RNF13: variants seen among roughly 807,000 people sequenced by gnomAD.
RNF13 encodes the protein ring finger protein 13, also known as E3 ubiquitin-protein ligase RNF13.
In RNF13, 19 loss-of-function variants were observed where a neutral mutation model predicts 37.7. The observed-to-expected ratio is 0.50, with a 90% CI of 0.35 to 0.74. RNF13 has a LOEUF of 0.74. Ranked by LOEUF, RNF13 falls within the 30% of genes least tolerant of loss-of-function variation. RNF13 has a pLI of 0.01. For missense variants in RNF13, 375 were observed against 453.0 expected (o/e 0.83, Z 1.56); for synonymous variants, 144 against 157.8 (o/e 0.91, Z 0.65).
chr3:149,935,860 ATATTTTCTTGTTGCATGTTAGT>A (rs1466977942), intron 8 of RNF13, among the ~76,000 whole-genome samples: 1 of 152,192 alleles, frequency 6.6e-6, no homozygotes, highest in African/African-American at 2.4e-5. Flanking sequence ...ATAACTTCAG[ATATTTTCTTGTTGCATGTTAGT>A]GTCCTTTTGT....
At chr3:149,919,016 T>C (rs1717842677) in intron 7 of RNF13, among the ~76,000 whole-genome samples, 1 of 152,202 alleles carries the variant, frequency 6.6e-6, no homozygotes, top group Non-Finnish European at 1.5e-5. Flanking sequence ...ATTTCTATTG[T>C]TTACTTTTTA....
At chr3:149,905,658 A>ATTATTATATTTAT (rs1716310290) in intron 6 of RNF13, among the ~76,000 whole-genome samples, 1 of 151,936 alleles carries the variant, frequency 6.6e-6, no homozygotes, top group African/African-American at 2.4e-5. Flanking sequence ...ACCCACATTT[A>ATTATTATATTTAT]TACTTGTATG....
At chr3:149,926,789 G>C (rs918108138) in intron 8 of RNF13, among the ~76,000 whole-genome samples, 2 of 151,898 alleles carry the variant, frequency 1.3e-5, no homozygotes, top group Non-Finnish European at 2.9e-5. Flanking sequence ...GATTTCTCTT[G>C]GTTTTATTGT....
chr3:149,824,183 T>C (rs1410530853), intron 1 of RNF13, among the ~76,000 whole-genome samples: 1 of 152,208 alleles, frequency 6.6e-6, no homozygotes, highest in Admixed American at 6.5e-5. Context: ...CACACTGATA[T>C]AAATAAGTAA....
intron 1 of RNF13, among the ~76,000 whole-genome samples, chr3:149,815,662 G>C (rs1719366633): frequency 6.6e-6 from 1 of 152,132 alleles, no homozygotes; most frequent in Non-Finnish European, 1.5e-5. Flanking sequence ...TATTTATTGA[G>C]CATATATAAA....
At chr3:149,873,771 A>G (rs768722030) in intron 4 of RNF13, among the ~76,000 whole-genome samples, 1 of 152,106 alleles carries the variant, frequency 6.6e-6, no homozygotes, top group Non-Finnish European at 1.5e-5. Context: ...TTCCAGCTCA[A>G]TGTGCCACCC....
At chr3:149,829,173 C>A (rs1485681940) in intron 1 of RNF13, among the ~76,000 whole-genome samples, 1 of 152,148 alleles carries the variant, frequency 6.6e-6, no homozygotes, top group Non-Finnish European at 1.5e-5. Context: ...TATCTTGGCT[C>A]ACTGCAACCT....
intron 1 of RNF13, among the ~76,000 whole-genome samples, chr3:149,831,335 T>C (rs1170572964): frequency 6.6e-6 from 1 of 152,208 alleles, no homozygotes; most frequent in African/African-American, 2.4e-5. Flanking sequence ...AGCTGTACCC[T>C]GCAAAGCTAC....
chr3:149,919,763 G>A (rs1717932212), intron 7 of RNF13, among the ~76,000 whole-genome samples: 1 of 152,184 alleles, frequency 6.6e-6, no homozygotes, highest in African/African-American at 2.4e-5. Flanking sequence ...ATATCTAGGA[G>A]CAGGACAGTT....
At chr3:149,916,624 T>G (rs1428624242) in intron 7 of RNF13, among the ~76,000 whole-genome samples, 1 of 152,176 alleles carries the variant, frequency 6.6e-6, no homozygotes, top group Non-Finnish European at 1.5e-5. Flanking sequence ...TGGTTGTATG[T>G]CTGGTTGTTG....
chr3:149,891,352 G>A (rs1420116268), intron 4 of RNF13, among the ~76,000 whole-genome samples: 1 of 152,096 alleles, frequency 6.6e-6, no homozygotes, highest in African/African-American at 2.4e-5. Flanking sequence ...CTATTATAAG[G>A]CATGTTTTAT....
At chr3:149,850,042 C>T (rs1415036204) in intron 2 of RNF13, among the ~76,000 whole-genome samples, 1 of 151,066 alleles carries the variant, frequency 6.6e-6, no homozygotes, top group Non-Finnish European at 1.5e-5. Context: ...TGCAGTGGCG[C>T]AATCTTGGCT....
intron 4 of RNF13, among the ~76,000 whole-genome samples, chr3:149,891,172 C>T (rs2108483963): frequency 6.6e-6 from 1 of 152,282 alleles, no homozygotes; most frequent in Middle Eastern, 3.4e-3. Context: ...TAAGTGTGAC[C>T]TTAGGGTAGT....
chr3:149,870,966 C>T (rs1711972608), intron 3 of RNF13, among the ~76,000 whole-genome samples: 1 of 145,516 alleles, frequency 6.9e-6, no homozygotes, highest in Admixed American at 6.8e-5. Context: ...ATTTGATCAT[C>T]TTTTTATGTG....
At chr3:149,886,447 A>G (rs2108473045) in intron 4 of RNF13, among the ~76,000 whole-genome samples, 1 of 152,226 alleles carries the variant, frequency 6.6e-6, no homozygotes, top group Admixed American at 6.5e-5. Context: ...TTGATCTTGT[A>G]TCCTGTCACA....
At chr3:149,921,281 G>A in intron 8 of RNF13, 54 bp downstream of exon 8, 1 of 765,422 alleles carries the variant, frequency 1.3e-6, no homozygotes, top group South Asian at 3.5e-5. Context: ...ACTGCAGGGT[G>A]ACTATACTCT....
In RNF13 at chr3:149,836,442, A is replaced by G. The variant is rs888503720; in HGVS notation, c.-16-9569A>G. Among the ~76,000 whole-genome samples the G allele has an allele frequency of 2.6e-5, 4 of 152,086 alleles. No homozygotes were observed. The South Asian group carries it at 8.3e-4, about 32-fold the overall frequency. ...TTAGTATGGCTATATGTATATATAT[A>G]TATTGTATATATATGTCTATCATAA... On this transcript the variant is annotated intron_variant, in intron 1 of 9. Coordinates refer to ENST00000392894, the MANE Select transcript of RNF13 (RefSeq NM_183381.3).
intron 1 of RNF13, among the ~76,000 whole-genome samples, chr3:149,827,050 G>A (rs1329379827): frequency 6.6e-6 from 1 of 152,092 alleles, no homozygotes; most frequent in African/African-American, 2.4e-5. Context: ...TAGCCACCAT[G>A]CCTAGCCATA....
intron 1 of RNF13, among the ~76,000 whole-genome samples, chr3:149,816,599 A>G (rs1165292539): frequency 2.0e-5 from 3 of 152,040 alleles, no homozygotes; most frequent in South Asian, 2.1e-4. Flanking sequence ...AAAGTTCCAC[A>G]TAAGGACACT....
Sources: allele counts gnomAD v4.1 joint callset (sites outside exome capture counted in the v4.1 genomes callset), GRCh38; gene constraint gnomAD v4.1.1; transcripts MANE v1.5; gene names NCBI Gene and HGNC (gene_info 2026-07-23, HGNC 2026-07-21).